MAP1B: variants seen among roughly 807,000 people sequenced by gnomAD.
MAP1B encodes the protein microtubule associated protein 1B.
MAP1B carries 12 observed loss-of-function variants against 176.1 expected under a neutral mutation model. That is an observed-to-expected ratio of 0.07 (90% CI 0.04 to 0.11). The LOEUF is 0.11. MAP1B is among the 10% of genes least tolerant of loss of function. MAP1B has a pLI of 1.00. For synonymous variants in MAP1B, 1,044 were observed against 1,135.0 expected (o/e 0.92, Z 1.61); for missense variants, 2,523 against 2,990.5 (o/e 0.84, Z 3.65).
chr5:72,111,717 G>C (rs1979309), intron 1 of MAP1B, among the ~76,000 whole-genome samples: 114,055 of 152,062 alleles, frequency 0.75, 42,921 homozygotes, highest in African/African-American at 0.82. Context: ...GAAACACAAG[G>C]CAGTCCCCAA....
chr5:72,155,283 CAAG>C (rs1248941071), intron 2 of MAP1B, among the ~76,000 whole-genome samples: 1 of 152,110 alleles, frequency 6.6e-6, no homozygotes, highest in African/African-American at 2.4e-5. Context: ...AATTATAGGT[CAAG>C]GAGCTGGGAT....
intron 2 of MAP1B, among the ~76,000 whole-genome samples, chr5:72,144,866 G>A (rs997106309): frequency 2.0e-5 from 3 of 152,190 alleles, no homozygotes; most frequent in Non-Finnish European, 2.9e-5. Context: ...AAGAGGCTGC[G>A]TGGGAGAGGT....
At chr5:72,163,890 T>C (rs1344742967) in intron 2 of MAP1B, among the ~76,000 whole-genome samples, 1 of 151,456 alleles carries the variant, frequency 6.6e-6, no homozygotes, top group East Asian at 1.9e-4. Flanking sequence ...TTTTTTCTTT[T>C]TTCTTTTCTT....
Position 72,198,681 on chromosome 5 carries a change from G to A in MAP1B, c.5326G>A (p.Glu1776Lys). ...TSEKVQSLEG[E>K]KLSPKSDISP... ...TGAAAAAGTGCAAAGTCTGGAAGGA[G>A]AGAAGCTCTCTCCAAAATCTGATAT... The change falls in exon 5 of 7, where the codon GAG becomes AAG. Residue 1776 changes from glutamate to lysine, a missense_variant. Physicochemically the swap from Glu to Lys is moderately conservative, Grantham distance 56 (BLOSUM62 1). Around this residue, in one of 4 missense-constraint regions of MAP1B, gnomAD observed 1,925 missense variants for 2,126.0 expected, o/e 0.91. Transcript: ENST00000296755. 6.2e-7 allele frequency: 1 copy of A among 1,614,202 alleles called. No individual in the cohort carries two copies. The highest frequency in any genetic ancestry group is 8.5e-7 in the Non-Finnish European group (1 of 1,180,034).
chr5:72,140,996 C>T (rs773106692), intron 2 of MAP1B, among the ~76,000 whole-genome samples: 1 of 152,312 alleles, frequency 6.6e-6, no homozygotes, highest in East Asian at 1.9e-4. Context: ...TTCCAGACCA[C>T]TCATTGCCCA....
intron 2 of MAP1B, among the ~76,000 whole-genome samples, chr5:72,173,950 A>C (rs1746597713): frequency 1.3e-5 from 2 of 152,142 alleles, no homozygotes; most frequent in African/African-American, 4.8e-5. Context: ...CAACATGGCA[A>C]AACCTCATCT....
chr5:72,203,074 A>G (rs1033770778), intron 5 of MAP1B, among the ~76,000 whole-genome samples: 19 of 152,228 alleles, frequency 1.2e-4, no homozygotes, highest in Non-Finnish European at 1.2e-4. Context: ...ATGTTAGGGT[A>G]TAATATCCAG....
chr5:72,164,631 C>T (rs1746392272), intron 2 of MAP1B, among the ~76,000 whole-genome samples: 2 of 152,128 alleles, frequency 1.3e-5, no homozygotes, highest in South Asian at 4.1e-4. Context: ...TCATGGAAAT[C>T]ATGTGCAGGG....
intron 2 of MAP1B, among the ~76,000 whole-genome samples, chr5:72,126,504 A>G (rs116252549): frequency 7.5e-4 from 114 of 152,340 alleles, no homozygotes; most frequent in African/African-American, 2.7e-3. Context: ...CTATTTGACT[A>G]GTCACTTCTA....
intron 2 of MAP1B, among the ~76,000 whole-genome samples, chr5:72,156,494 A>T (rs1746231320): frequency 6.6e-6 from 1 of 152,218 alleles, no homozygotes. Flanking sequence ...GTGCAAACTG[A>T]GCAGTAAAAG....
At chr5:72,200,419 G>C (rs758668476) in intron 5 of MAP1B, 52 bp downstream of exon 5, 2 of 1,568,810 alleles carry the variant, frequency 1.3e-6, no homozygotes, top group East Asian at 2.2e-5. Flanking sequence ...TTCTACTTGC[G>C]TTTACAGCCT....
intron 2 of MAP1B, among the ~76,000 whole-genome samples, chr5:72,181,291 G>A (rs1280356541): frequency 6.6e-6 from 1 of 152,024 alleles, no homozygotes; most frequent in Non-Finnish European, 1.5e-5. Flanking sequence ...TGTTTCTGTA[G>A]TACTTCTGGT....
At chr5:72,174,817 T>G (rs1746617155) in intron 2 of MAP1B, among the ~76,000 whole-genome samples, 1 of 152,174 alleles carries the variant, frequency 6.6e-6, no homozygotes, top group African/African-American at 2.4e-5. Flanking sequence ...CAGAAGAAAG[T>G]GCTTTGGAAA....
intron 1 of MAP1B, 34 bp from the exon 2 acceptor site, chr5:72,115,664 G>C: frequency 1.7e-6 from 2 of 1,148,732 alleles, no homozygotes; most frequent in Non-Finnish European, 2.6e-6. Context: ...TGACTAACTG[G>C]AAGTCTCTCA....
At chr5:72,132,095 G>A (rs537339256) in intron 2 of MAP1B, among the ~76,000 whole-genome samples, 5 of 152,154 alleles carry the variant, frequency 3.3e-5, no homozygotes, top group African/African-American at 9.6e-5. Flanking sequence ...GCCCTTGTTG[G>A]AAAAAATAAA....
intron 2 of MAP1B, chr5:72,179,765 G>A (rs1746728890): frequency 2.0e-6 from 2 of 985,358 alleles, no homozygotes; most frequent in African/African-American, 3.5e-5. Flanking sequence ...CCTATAAAAA[G>A]GCTTTTGTTG....
intron 2 of MAP1B, among the ~76,000 whole-genome samples, chr5:72,128,704 C>T (rs934541069): frequency 3.3e-5 from 5 of 152,144 alleles, no homozygotes; most frequent in Non-Finnish European, 5.9e-5. Context: ...GCAGTGGCAC[C>T]GTCATGGTTC....
chr5:72,179,557 C>A, intron 2 of MAP1B: 1 of 945,872 alleles, frequency 1.1e-6, no homozygotes, highest in Non-Finnish European at 1.3e-6. Flanking sequence ...GCCCGCCTGC[C>A]GCAGGAAAGC....
At chr5:72,108,296 C>T (rs530121612) in intron 1 of MAP1B, among the ~76,000 whole-genome samples, 18 of 152,272 alleles carry the variant, frequency 1.2e-4, no homozygotes, top group South Asian at 2.1e-4. Context: ...CCCCGCCCCC[C>T]CCTCCCCGGG....
Sources: gnomAD v4.1 joint callset for allele counts (sites outside exome capture counted in the v4.1 genomes callset) on GRCh38, gnomAD v4.1.1 for gene constraint, gnomAD v4.1.1 regional missense constraint, MANE v1.5 for transcripts, NCBI Gene and HGNC (gene_info 2026-07-23, HGNC 2026-07-21) for gene names.